Variants in FILIP1L observed in about 807,000 individuals in gnomAD.
FILIP1L encodes filamin A interacting protein 1 like, also known as filamin A-interacting protein 1-like.
Under a neutral mutation model 96.6 loss-of-function variants are expected in FILIP1L, and 55 were observed. The ratio of observed to expected loss-of-function variants is 0.57; its 90% CI spans 0.46 to 0.71. The LOEUF (loss-of-function observed/expected upper bound fraction) is 0.71, where lower values mean the gene tolerates loss of function less well. FILIP1L is among the 30% of genes least tolerant of loss of function. FILIP1L has a pLI of 0.00. For missense variants in FILIP1L, 1,304 were observed against 1,321.2 expected (o/e 0.99, Z 0.20); for synonymous variants, 467 against 473.9 (o/e 0.99, Z 0.19).
intron 4 of FILIP1L, among the ~76,000 whole-genome samples, chr3:99,909,938 T>TTCCCATTTTATAGATGGAAGCATCAA (rs1368114649): frequency 2.9e-5 from 4 of 138,562 alleles, no homozygotes; most frequent in South Asian, 2.4e-4. Context: ...AGAGCTGTTG[T>TTCCCATTTTATAGATGGAAGCATCAA]CATCTGACCA....
intron 1 of FILIP1L, among the ~76,000 whole-genome samples, chr3:100,043,226 A>G (rs1386530637): frequency 6.6e-6 from 1 of 152,230 alleles, no homozygotes; most frequent in Non-Finnish European, 1.5e-5. Flanking sequence ...GTTGTGCCTT[A>G]TCTGCTCTCT....
At chr3:99,930,071 C>G in intron 2 of FILIP1L, 42 bp from the exon 3 acceptor site, 2 of 1,505,668 alleles carry the variant, frequency 1.3e-6, no homozygotes, top group Non-Finnish European at 1.8e-6. Context: ...GCTGTCTCTA[C>G]CAGCAGTCTC....
At chr3:99,940,867 C>T (rs987946253) in intron 1 of FILIP1L, among the ~76,000 whole-genome samples, 7 of 152,188 alleles carry the variant, frequency 4.6e-5, no homozygotes, top group Non-Finnish European at 7.3e-5. Flanking sequence ...TACATTCCAA[C>T]GTGAGGTCTT....
intron 4 of FILIP1L, among the ~76,000 whole-genome samples, chr3:99,861,815 A>T (rs1355197732): frequency 6.6e-6 from 1 of 151,762 alleles, no homozygotes; most frequent in Non-Finnish European, 1.5e-5. Context: ...AGAAATTCAG[A>T]CTCTGGAGTT....
intron 5 of FILIP1L, among the ~76,000 whole-genome samples, chr3:99,832,523 C>G (rs1423763201): frequency 5.8e-5 from 8 of 137,338 alleles, no homozygotes; most frequent in Non-Finnish European, 7.8e-5. Context: ...AGCCACTGCG[C>G]CCAGCCATTC....
intron 1 of FILIP1L, among the ~76,000 whole-genome samples, chr3:100,007,993 T>A (rs1485958624): frequency 6.6e-6 from 1 of 152,182 alleles, no homozygotes; most frequent in Non-Finnish European, 1.5e-5. Context: ...GAATTATAGG[T>A]TATGGTTGTT....
intron 1 of FILIP1L, among the ~76,000 whole-genome samples, chr3:99,996,340 G>A (rs910184875): frequency 3.9e-5 from 6 of 152,148 alleles, no homozygotes; most frequent in African/African-American, 1.4e-4. Context: ...GACCACCTCA[G>A]CCTGGACCTT....
intron 1 of FILIP1L, among the ~76,000 whole-genome samples, chr3:100,105,199 C>T (rs1043675454): frequency 1.3e-5 from 2 of 152,130 alleles, no homozygotes; most frequent in African/African-American, 4.8e-5. Flanking sequence ...GTTGACAAGG[C>T]TGATTTAGTA....
chr3:99,913,735 G>A lies in FILIP1L; in HGVS notation c.605+10495C>T, dbSNP rs535181322. 6.2e-4 allele frequency among the ~76,000 whole-genome samples: 94 copies of A among 152,296 alleles called. 1 individual carries two copies. Among genetic ancestry groups the A allele is most frequent in the African/African-American group, 2.0e-3 (85 of 41,566 alleles). The stretch of plus-strand genomic sequence containing the variant: ...AGGAAGTGAGAGCAGGGCTATGTGC[G>A]TGACCCTGAAGCATATATGCAAGAT... On this transcript the variant is annotated intron_variant, in intron 4 of 5. Coordinates refer to ENST00000477258, the MANE Select transcript of FILIP1L (RefSeq NM_001387850.1).
chr3:99,896,475 T>C (rs1267924647), intron 4 of FILIP1L, among the ~76,000 whole-genome samples: 1 of 152,200 alleles, frequency 6.6e-6, no homozygotes, highest in African/African-American at 2.4e-5. Flanking sequence ...TGAATGGTAG[T>C]CACCTTAAGC....
chr3:100,091,685 T>C (rs1324133196), intron 1 of FILIP1L, among the ~76,000 whole-genome samples: 1 of 152,232 alleles, frequency 6.6e-6, no homozygotes, highest in Admixed American at 6.5e-5. Flanking sequence ...TTCCTGTTTC[T>C]GCCATCTCTG....
intron 4 of FILIP1L, among the ~76,000 whole-genome samples, chr3:99,853,041 A>G (rs1381326861): frequency 6.6e-6 from 1 of 152,208 alleles, no homozygotes; most frequent in East Asian, 1.9e-4. Context: ...AGGTCTTGGC[A>G]AAAGGCTTGC....
At position 99,850,224 on chromosome 3, in the gene FILIP1L, G is replaced by A; in HGVS notation, c.1452C>T (p.Phe484=). 11 of 1,613,462 alleles carry A rather than the reference G, an allele frequency of 6.8e-6. No individual in the cohort carries two copies. Among genetic ancestry groups the A allele is most frequent in the Non-Finnish European group, 9.3e-6 (11 of 1,179,986 alleles). The change falls in exon 5 of 6, where the codon TTC becomes TTT. Residue 484 remains phenylalanine, a synonymous_variant. Transcript: ENST00000477258. ...AIESRLEKTE[F]TLKEDLTKLK... ...GTTTAGTTAAATCCTCTTTTAGAGT[G>A]AATTCTGTCTTTTCTAGCCGACTTT...
Position 99,850,456 on chromosome 3 carries a change from G to A in FILIP1L, c.1220C>T (p.Thr407Met), listed in dbSNP as rs200354760. The A allele has an allele frequency of 2.0e-5, 32 of 1,613,832 alleles. No homozygotes were observed. The highest frequency in any genetic ancestry group is 9.3e-5 in the African/African-American group (7 of 74,936). ...TAGTTTAAAGTCTTTACTCTGTAAC[G>A]TCTCCCTTTCAAGCCTCTTATTGAG... is the stretch of plus-strand genomic sequence containing the variant. ...RDLNKRLERETLQSKDFKLEV... is the reference protein window; with the variant it reads ...RDLNKRLEREMLQSKDFKLEV... Residue 407 changes from threonine (T) to methionine (M), a missense_variant, in exon 5 of 6, where the codon ACG (threonine) becomes ATG (methionine). Physicochemically the swap from Thr to Met is moderately conservative, Grantham distance 81. Transcript: ENST00000477258.
chr3:100,038,654 A>G (rs1185248514), intron 1 of FILIP1L, among the ~76,000 whole-genome samples: 1 of 152,206 alleles, frequency 6.6e-6, no homozygotes, highest in Non-Finnish European at 1.5e-5. Context: ...AAAGCTATTT[A>G]TGGGTTTTGT....
chr3:100,018,819 G>A (rs941658975), intron 1 of FILIP1L, among the ~76,000 whole-genome samples: 3 of 151,018 alleles, frequency 2.0e-5, no homozygotes, highest in Non-Finnish European at 4.4e-5. Context: ...TCAGGTAAGG[G>A]GTTAATGTAT....
chr3:99,995,409 C>T (rs1014582959), intron 1 of FILIP1L, among the ~76,000 whole-genome samples: 3 of 152,182 alleles, frequency 2.0e-5, no homozygotes, highest in Non-Finnish European at 1.5e-5. Context: ...TACAGCCTCC[C>T]TCCCAGCTGC....
intron 1 of FILIP1L, among the ~76,000 whole-genome samples, chr3:100,065,852 T>C (rs527370297): frequency 8.5e-5 from 13 of 152,238 alleles, no homozygotes; most frequent in Non-Finnish European, 1.6e-4. Flanking sequence ...ATTTACCTAA[T>C]ACTGTGTTCT....
intron 1 of FILIP1L, among the ~76,000 whole-genome samples, chr3:99,949,869 A>T (rs1708124332): frequency 6.6e-6 from 1 of 152,228 alleles, no homozygotes. Context: ...CACAATTATT[A>T]CCAAGGACAT....
Sources: gnomAD v4.1 joint callset for allele counts (sites outside exome capture counted in the v4.1 genomes callset) on GRCh38, gnomAD v4.1.1 for gene constraint, MANE v1.5 for transcripts, NCBI Gene and HGNC (gene_info 2026-07-23, HGNC 2026-07-21) for gene names.